The following EMCN variants were observed in gnomAD, a reference collection of about 807,000 sequenced individuals.
EMCN encodes the protein endomucin.
In EMCN, 37 loss-of-function variants were observed where a neutral mutation model predicts 38.4. The observed-to-expected ratio is 0.96, with a 90% CI of 0.74 to 1.27. The LOEUF is 1.27. Among genes scored for constraint, EMCN ranks in the 50% most tolerant of loss-of-function variants. EMCN has a pLI of 0.00. For synonymous variants in EMCN, 95 were observed against 100.8 expected (o/e 0.94, Z 0.35); for missense variants, 318 against 302.8 (o/e 1.05, Z -0.37).
At chr4:100,450,086 T>C (rs1727795905) in intron 4 of EMCN, among the ~76,000 whole-genome samples, 1 of 152,050 alleles carries the variant, frequency 6.6e-6, no homozygotes, top group African/African-American at 2.4e-5. Context: ...TATTCCTGTT[T>C]ATTATTTATG....
intron 5 of EMCN, among the ~76,000 whole-genome samples, chr4:100,431,236 G>C (rs1198189138): frequency 6.6e-6 from 1 of 152,138 alleles, no homozygotes; most frequent in Non-Finnish European, 1.5e-5. Context: ...AAGTAAAAAA[G>C]ATATGTATGA....
chr4:100,414,569 G>T (rs1450480554), intron 10 of EMCN, among the ~76,000 whole-genome samples: 1 of 152,022 alleles, frequency 6.6e-6, no homozygotes, highest in Non-Finnish European at 1.5e-5. Context: ...GAGTGGAAGA[G>T]ATACAAGAGC....
At chr4:100,451,259 AAAT>A (rs1395658559) in intron 4 of EMCN, among the ~76,000 whole-genome samples, 1 of 151,944 alleles carries the variant, frequency 6.6e-6, no homozygotes, top group African/African-American at 2.4e-5. Flanking sequence ...AACACTAAAA[AAAT>A]AATAGCACAG....
intron 7 of EMCN, 67 bp downstream of exon 7, chr4:100,422,954 C>G: frequency 6.7e-7 from 1 of 1,494,830 alleles, no homozygotes. Context: ...GATTCCTCTC[C>G]TTTACTGGTC....
Position 100,395,682 on chromosome 4 carries a change from A to T in EMCN, c.*2731T>A, listed in dbSNP as rs1726102428. 1 of 152,182 alleles carries T rather than the reference A, an allele frequency of 6.6e-6. No individual in the cohort carries two copies. Among genetic ancestry groups the T allele is most frequent in the Non-Finnish European group, 1.5e-5 (1 of 68,024 alleles). The allele number at this position is 152,182 out of a possible 1,614,324, so 9.4% of individuals were successfully genotyped here. A position where few individuals can be genotyped will look rare whatever the true frequency, so the allele number is the denominator to read the frequency against. On this transcript the variant is annotated 3_prime_UTR_variant, in exon 12 of 12. Transcript: ENST00000296420. ...AGGAATGTTCATCATCGAAGGTTTG[A>T]CTATGTCCTCGGTTGATACTCATAA...
chr4:100,475,145 A>T, intron 2 of EMCN, 36 bp from the exon 3 acceptor site: 4 of 1,073,768 alleles, frequency 3.7e-6, no homozygotes, highest in Non-Finnish European at 5.4e-6. Context: ...ATTATTAATC[A>T]TAATCTCATG....
In EMCN at chr4:100,479,078, C is replaced by A. The variant is rs79298661; in HGVS notation, c.187+839G>T. On this transcript the variant is annotated intron_variant, in intron 2 of 11. Coordinates refer to ENST00000296420, the MANE Select transcript of EMCN (RefSeq NM_016242.4). Reference sequence around the variant, plus strand: ...CACCACCCTATTCAAGCCCAGCGAACTAGCTTTCATTGGTCTTCTGCATAT... The same window carrying A: ...CACCACCCTATTCAAGCCCAGCGAAATAGCTTTCATTGGTCTTCTGCATAT... Among the ~76,000 whole-genome samples, 1,372 of 152,272 alleles carry A rather than the reference C, an allele frequency of 9.0e-3. 26 individuals are homozygous for A. The highest frequency in any genetic ancestry group is 0.031 in the African/African-American group (1,286 of 41,550).
intron 5 of EMCN, among the ~76,000 whole-genome samples, chr4:100,432,681 G>T (rs1217675658): frequency 6.6e-6 from 1 of 152,110 alleles, no homozygotes; most frequent in African/African-American, 2.4e-5. Flanking sequence ...ATTTTCTCAT[G>T]TTAAGCATCA....
At chr4:100,427,903 A>C (rs1727095142) in intron 5 of EMCN, among the ~76,000 whole-genome samples, 1 of 152,074 alleles carries the variant, frequency 6.6e-6, no homozygotes, top group African/African-American at 2.4e-5. Context: ...CCAAAGACCT[A>C]TTTTTGGCTC....
intron 1 of EMCN, among the ~76,000 whole-genome samples, chr4:100,515,009 G>T (rs1560649174): frequency 6.6e-6 from 1 of 152,052 alleles, no homozygotes; most frequent in African/African-American, 2.4e-5. Flanking sequence ...CTGATAGTGT[G>T]TTTAATCTTT....
At chr4:100,431,715 C>A (rs1362520631) in intron 5 of EMCN, among the ~76,000 whole-genome samples, 14 of 58,112 alleles carry the variant, frequency 2.4e-4, no homozygotes, top group Non-Finnish European at 1.1e-4. Context: ...CCAATTCTTA[C>A]AATACATCTC....
chr4:100,451,555 T>A (rs2110247433), intron 4 of EMCN, among the ~76,000 whole-genome samples: 1 of 152,124 alleles, frequency 6.6e-6, no homozygotes, highest in East Asian at 1.9e-4. Flanking sequence ...CACCTACTTG[T>A]CAAGTGCATG....
At position 100,410,345 on chromosome 4, in the gene EMCN, A is replaced by C; in HGVS notation, c.762T>G (p.Ser254=). 6.2e-7 allele frequency: 1 copy of C among 1,613,844 alleles called. No individual in the cohort carries two copies. Among genetic ancestry groups the C allele is most frequent in the Non-Finnish European group, 8.5e-7 (1 of 1,179,756 alleles). The change falls in exon 11 of 12, where the codon TCT becomes TCG. Residue 254 remains serine (S), a synonymous_variant. Transcript: ENST00000296420. ...GTCAGTTCTTGGTTTTTCCTTGTGC[A>C]GAGTGCTCACCTGAGAACAGAAGAT... ...KTISHESGEH[S]AQGKTKN is the part of the protein sequence containing the mutation.
chr4:100,469,636 T>C lies in EMCN; in HGVS notation c.260-4097A>G, dbSNP rs1327850162. Among the ~76,000 whole-genome samples, 19 of 61,354 alleles carry C rather than the reference T, an allele frequency of 3.1e-4. 2 individuals are homozygous for C. The highest frequency in any genetic ancestry group is 2.3e-3 in the South Asian group (4 of 1,762). The allele number at this position is 61,354 out of a possible 152,430, so 40.3% of individuals were successfully genotyped here. ...GTGTAAAGAAGGGGTACAGTTTTAA[T>C]CTTCTGCATATGGCTAGCCAATTAT... On this transcript the variant is annotated intron_variant, in intron 3 of 11. Coordinates refer to ENST00000296420, the MANE Select transcript of EMCN (RefSeq NM_016242.4).
At chr4:100,474,963 A>G (rs1728594359) in intron 3 of EMCN, 75 bp downstream of exon 3, 5 of 676,864 alleles carry the variant, frequency 7.4e-6, no homozygotes, top group Admixed American at 3.2e-5. Context: ...TGAATTGTAC[A>G]CTTTAAAAGG....
intron 11 of EMCN, among the ~76,000 whole-genome samples, chr4:100,408,624 A>G (rs1038012895): frequency 6.6e-6 from 1 of 152,108 alleles, no homozygotes; most frequent in Non-Finnish European, 1.5e-5. Context: ...GCTTCCCCTC[A>G]GTGCTCTGAG....
At position 100,475,113 on chromosome 4, in the gene EMCN, G is replaced by A. The variant is rs1728599262; in HGVS notation, c.188-4C>T. On this transcript the variant is annotated splice_polypyrimidine_tract_variant and splice_region_variant and intron_variant, in intron 2 of 11. Transcript: ENST00000296420. ...AGTAATTCATTGGTGATTGTTCCTA[G>A]TTTGATAAAATAGATTAAATTATTA... 2 of 1,442,918 alleles carry A rather than the reference G, an allele frequency of 1.4e-6. No homozygotes were observed. 89.4% of individuals were successfully genotyped at this position (1,442,918 alleles called of 1,614,324 possible).
chr4:100,429,587 C>T (rs1727143588), intron 5 of EMCN, among the ~76,000 whole-genome samples: 3 of 152,054 alleles, frequency 2.0e-5, no homozygotes, highest in Admixed American at 1.3e-4. Context: ...TGCTTTGGGC[C>T]GTCAATGTTA....
At chr4:100,436,160 A>C (rs1727346629) in intron 5 of EMCN, among the ~76,000 whole-genome samples, 1 of 152,102 alleles carries the variant, frequency 6.6e-6, no homozygotes, top group African/African-American at 2.4e-5. Context: ...AGACCCTACA[A>C]GGAACTTAAA....
Sources: allele counts gnomAD v4.1 joint callset (sites outside exome capture counted in the v4.1 genomes callset), GRCh38; gene constraint gnomAD v4.1.1; transcripts MANE v1.5; gene names NCBI Gene and HGNC (gene_info 2026-07-23, HGNC 2026-07-21).